IGF1R: variants seen among roughly 807,000 people sequenced by gnomAD.
IGF1R encodes the protein insulin like growth factor 1 receptor.
Under a neutral mutation model 144.6 loss-of-function variants are expected in IGF1R, and 44 were observed. The observed-to-expected ratio is 0.30, with a 90% CI of 0.24 to 0.39. The LOEUF (loss-of-function observed/expected upper bound fraction) is 0.39. Among genes scored for constraint, IGF1R ranks in the 10% least tolerant of loss-of-function variants. The pLI, the probability that IGF1R is intolerant of heterozygous loss-of-function variation, is 1.00. For synonymous variants in IGF1R, 795 were observed against 722.8 expected (o/e 1.10, Z -1.60); for missense variants, 1,355 against 1,833.7 (o/e 0.74, Z 4.77).
rs143292062 is a variant in IGF1R at position 98,817,563 on chromosome 15, A to G, written c.641-73762A>G. On this transcript the variant is annotated intron_variant, in intron 2 of 20. Transcript: ENST00000650285. Reference sequence around the variant, plus strand: ...CTAAGGGAGATTGGAAGGTCCAGCCATGGGAAGTTCAGGAGAAAGGATAAG... The same window carrying G: ...CTAAGGGAGATTGGAAGGTCCAGCCGTGGGAAGTTCAGGAGAAAGGATAAG... Among the ~76,000 whole-genome samples, 32 of 152,244 alleles carry G rather than the reference A, an allele frequency of 2.1e-4. No homozygotes were observed. The East Asian group carries it at 6.2e-3, about 29-fold the overall frequency.
chr15:98,940,528 T>C (rs1193390709), intron 18 of IGF1R, among the ~76,000 whole-genome samples: 2 of 152,204 alleles, frequency 1.3e-5, no homozygotes, highest in East Asian at 3.9e-4. Flanking sequence ...CTCAGCCTCC[T>C]GACTAGTTGG....
intron 2 of IGF1R, among the ~76,000 whole-genome samples, chr15:98,816,837 A>G (rs1024122369): frequency 6.6e-6 from 1 of 152,234 alleles, no homozygotes; most frequent in African/African-American, 2.4e-5. Flanking sequence ...GGCAAGGCAC[A>G]TTCTCATAAC....
intron 4 of IGF1R, chr15:98,897,363 A>C (rs904848176): frequency 1.6e-5 from 3 of 184,280 alleles, no homozygotes; most frequent in African/African-American, 7.1e-5. Flanking sequence ...ATGAAGTCCA[A>C]AAGAATGCTA....
At chr15:98,903,090 A>G (rs2014566262) in intron 5 of IGF1R, among the ~76,000 whole-genome samples, 1 of 152,246 alleles carries the variant, frequency 6.6e-6, no homozygotes, top group Admixed American at 6.5e-5. Flanking sequence ...AGACATTAAG[A>G]AAATCAAGAC....
Position 98,868,327 on chromosome 15 carries a change from C to CAAA in IGF1R, c.641-22983_641-22981dup, listed in dbSNP as rs55905905. On this transcript the variant is annotated intron_variant, in intron 2 of 20. Coordinates refer to ENST00000650285, the MANE Select transcript of IGF1R (RefSeq NM_000875.5). The stretch of plus-strand genomic sequence containing the variant: ...GGACAACAGAGTAAGACCTTGTCTC[C>CAAA]AAAAAAAAAAAAAAAAAGCCAAATC... 8.0e-4 allele frequency among the ~76,000 whole-genome samples: 40 copies of CAAA among 49,864 alleles called. 1 individual carries two copies. Among genetic ancestry groups the CAAA allele is most frequent in the African/African-American group, 2.2e-3 (31 of 14,256 alleles). The allele number at this position is 49,864 out of a possible 152,430, so 32.7% of individuals were successfully genotyped here.
At chr15:98,754,867 A>C (rs1252607703) in intron 2 of IGF1R, among the ~76,000 whole-genome samples, 1 of 152,124 alleles carries the variant, frequency 6.6e-6, no homozygotes, top group African/African-American at 2.4e-5. Context: ...CAGGATTCAC[A>C]CCTAGGTTGA....
chr15:98,931,199 G>A (rs1245441909), intron 15 of IGF1R, among the ~76,000 whole-genome samples: 1 of 152,154 alleles, frequency 6.6e-6, no homozygotes, highest in Non-Finnish European at 1.5e-5. Context: ...CCCCGGGCAG[G>A]CAAGGAAACA....
rs1315615510 is a variant in IGF1R at position 98,772,531 on chromosome 15, CTGT to C, written c.640+64427_640+64429del. Among the ~76,000 whole-genome samples, 9 of 88,136 alleles carry C rather than the reference CTGT, an allele frequency of 1.0e-4. No individual in the cohort carries two copies. The Admixed American group carries it at 1.1e-3, about 11-fold the overall frequency. The allele number at this position is 88,136 out of a possible 152,430, so 57.8% of individuals were successfully genotyped here. On this transcript the variant is annotated intron_variant, in intron 2 of 20. Transcript: ENST00000650285. ...TATTATTATTTTAAGAATTAGGTCT[CTGT>C]TGGCCAGGCTGGAGCACAGTGGCAC...
At chr15:98,666,501 G>C (rs1022590728) in intron 1 of IGF1R, among the ~76,000 whole-genome samples, 2 of 152,136 alleles carry the variant, frequency 1.3e-5, no homozygotes. Context: ...ATCCATAGAC[G>C]GGTGGATAAA....
At chr15:98,780,624 T>C (rs771748557) in intron 2 of IGF1R, among the ~76,000 whole-genome samples, 5 of 150,980 alleles carry the variant, frequency 3.3e-5, no homozygotes, top group Non-Finnish European at 7.4e-5. Context: ...ATCTACTTGA[T>C]GGAATTTTTT....
chr15:98,778,519 C>G (rs2055776931), intron 2 of IGF1R, among the ~76,000 whole-genome samples: 1 of 152,208 alleles, frequency 6.6e-6, no homozygotes, highest in African/African-American at 2.4e-5. Context: ...CACAGTGGCT[C>G]TCTAGCTCTT....
At position 98,942,974 on chromosome 15, in the gene IGF1R, G is replaced by A. The variant is rs767965713; in HGVS notation, c.3509G>A (p.Gly1170Glu). The change falls in exon 19 of 21, where the codon GGG becomes GAG. Residue 1170 changes from glycine (G) to glutamate (E), a missense_variant. This residue lies in a region of IGF1R where 77 missense variants were observed against 163.2 expected (regional missense o/e 0.47). Coordinates refer to ENST00000650285, the MANE Select transcript of IGF1R (RefSeq NM_000875.5). Reference sequence around the variant, plus strand: ...GAGACAGACTATTACCGGAAAGGAGGGAAAGGGCTGCTGCCCGTGCGCTGG... The same window carrying A: ...GAGACAGACTATTACCGGAAAGGAGAGAAAGGGCTGCTGCCCGTGCGCTGG... ...IYETDYYRKG[G>E]KGLLPVRWMS... The A allele has an allele frequency of 1.2e-6, 2 of 1,614,158 alleles. No homozygotes were observed. Among genetic ancestry groups the A allele is most frequent in the Non-Finnish European group, 1.7e-6 (2 of 1,179,984 alleles).
At chr15:98,675,821 T>TC (rs2053024572) in intron 1 of IGF1R, among the ~76,000 whole-genome samples, 1 of 134,506 alleles carries the variant, frequency 7.4e-6, no homozygotes, top group Admixed American at 7.4e-5. Flanking sequence ...TTTCTTTCTT[T>TC]CTTTCTTTTT....
At chr15:98,803,302 A>T (rs1400596512) in intron 2 of IGF1R, among the ~76,000 whole-genome samples, 1 of 152,174 alleles carries the variant, frequency 6.6e-6, no homozygotes, top group Non-Finnish European at 1.5e-5. Context: ...AGTATTTCTG[A>T]ATCTAAGCAT....
chr15:98,718,209 G>A (rs771859379), intron 2 of IGF1R, among the ~76,000 whole-genome samples: 33 of 152,142 alleles, frequency 2.2e-4, no homozygotes, highest in Admixed American at 6.5e-4. Context: ...AACAGAAGTC[G>A]CTTTTTGTTT....
intron 2 of IGF1R, among the ~76,000 whole-genome samples, chr15:98,760,258 A>G (rs1285478692): frequency 6.6e-6 from 1 of 152,064 alleles, no homozygotes; most frequent in East Asian, 1.9e-4. Flanking sequence ...GGCTGAGGGC[A>G]GGAGAATGGC....
At chr15:98,751,481 C>T (rs949296067) in intron 2 of IGF1R, among the ~76,000 whole-genome samples, 1 of 152,066 alleles carries the variant, frequency 6.6e-6, no homozygotes, top group Non-Finnish European at 1.5e-5. Flanking sequence ...AAGGCTGTAA[C>T]CCTGATTTTA....
intron 2 of IGF1R, among the ~76,000 whole-genome samples, chr15:98,806,628 CTG>C (rs1341290218): frequency 6.6e-6 from 1 of 152,206 alleles, no homozygotes; most frequent in African/African-American, 2.4e-5. Flanking sequence ...GTTTTCAACA[CTG>C]TGAAAAGAGA....
chr15:98,929,779 A>G, intron 14 of IGF1R, 119 bp downstream of exon 14: 1 of 759,384 alleles, frequency 1.3e-6, no homozygotes, highest in African/African-American at 1.7e-5. Context: ...GGAAAACCTG[A>G]TTTTCCCATC....
Sources: allele counts gnomAD v4.1 joint callset (sites outside exome capture counted in the v4.1 genomes callset), GRCh38; gene constraint gnomAD v4.1.1; regional missense constraint gnomAD v4.1.1; transcripts MANE v1.5; gene names NCBI Gene and HGNC (gene_info 2026-07-23, HGNC 2026-07-21).